TPH2: variants seen among roughly 807,000 people sequenced by gnomAD.
The protein encoded by TPH2 is tryptophan hydroxylase 2.
A neutral mutation model predicts 59.1 loss-of-function variants in TPH2; 27 were observed. That is an observed-to-expected ratio of 0.46 (90% CI 0.34 to 0.63). The LOEUF (loss-of-function observed/expected upper bound fraction) is 0.63, where lower values mean the gene tolerates loss of function less well. Ranked by LOEUF, TPH2 falls within the 30% of genes least tolerant of loss-of-function variation. The pLI, the probability that TPH2 is intolerant of heterozygous loss-of-function variation, is 0.01. For missense variants in TPH2, 523 were observed against 588.3 expected, an observed-to-expected ratio of 0.89 and a Z score of 1.15; for synonymous variants, 220 against 210.5, an observed-to-expected ratio of 1.05 and a Z score of -0.39.
intron 7 of TPH2, among the ~76,000 whole-genome samples, chr12:71,980,241 C>T (rs1387585216): frequency 6.6e-6 from 1 of 152,148 alleles, no homozygotes; most frequent in Non-Finnish European, 1.5e-5. Flanking sequence ...AAAATGAGTG[C>T]CTTGCTTTAA....
intron 5 of TPH2, among the ~76,000 whole-genome samples, chr12:71,958,088 G>T (rs1871563181): frequency 6.6e-6 from 1 of 152,184 alleles, no homozygotes; most frequent in Admixed American, 6.5e-5. Context: ...GATCTTCGGA[G>T]ACATTAAGAA....
intron 5 of TPH2, among the ~76,000 whole-genome samples, chr12:71,955,340 G>A (rs1018387108): frequency 6.6e-6 from 1 of 152,152 alleles, no homozygotes; most frequent in African/African-American, 2.4e-5. Flanking sequence ...AGTAAGTGGG[G>A]CATTGCTATA....
rs564986850 is a variant in TPH2 at position 71,950,343 on chromosome 12, G to A, written c.608+688G>A. On this transcript the variant is annotated intron_variant, in intron 5 of 10. Transcript: ENST00000333850. ...GGCTGAGTCCGAAAAGAGAGTCAGCGAAGGGAGATAAGGGTGGGGCCATTT... is the reference window on the plus strand; with the variant it reads ...GGCTGAGTCCGAAAAGAGAGTCAGCAAAGGGAGATAAGGGTGGGGCCATTT... Among the ~76,000 whole-genome samples, 10 of 152,226 alleles carry A rather than the reference G, an allele frequency of 6.6e-5. No homozygotes were observed. The East Asian group carries it at 1.7e-3, about 27-fold the overall frequency.
At chr12:71,947,193 C>A (rs1444620401) in intron 4 of TPH2, among the ~76,000 whole-genome samples, 3 of 152,016 alleles carry the variant, frequency 2.0e-5, no homozygotes, top group African/African-American at 7.2e-5. Context: ...GATTCTCATC[C>A]CTAGCTTTCC....
intron 8 of TPH2, among the ~76,000 whole-genome samples, chr12:71,999,814 C>T (rs1872778399): frequency 6.6e-6 from 1 of 152,234 alleles, no homozygotes; most frequent in Non-Finnish European, 1.5e-5. Context: ...TCTCAATTCT[C>T]TGTCCTTATA....
intron 5 of TPH2, among the ~76,000 whole-genome samples, chr12:71,958,017 C>G (rs1182151116): frequency 1.3e-5 from 2 of 152,192 alleles, no homozygotes; most frequent in African/African-American, 2.4e-5. Flanking sequence ...TGTCATTTAA[C>G]CACACAACGA....
chr12:71,977,099 T>C (rs1872140999), intron 6 of TPH2, among the ~76,000 whole-genome samples: 1 of 152,192 alleles, frequency 6.6e-6, no homozygotes, highest in African/African-American at 2.4e-5. Context: ...TTGCCCAAGC[T>C]GGGGTGCAGT....
At chr12:71,976,866 A>T (rs1464637521) in intron 6 of TPH2, among the ~76,000 whole-genome samples, 3 of 152,240 alleles carry the variant, frequency 2.0e-5, no homozygotes, top group Non-Finnish European at 2.9e-5. Context: ...TGCTAAATGA[A>T]ATAAGCCAGA....
intron 8 of TPH2, among the ~76,000 whole-genome samples, chr12:71,996,568 G>A (rs1217803476): frequency 6.6e-6 from 1 of 152,152 alleles, no homozygotes; most frequent in Non-Finnish European, 1.5e-5. Flanking sequence ...ACTCCCTTCT[G>A]CCTATACCCT....
At position 71,941,642 on chromosome 12, in the gene TPH2, G is replaced by A. The variant is rs769052606; in HGVS notation, c.164G>A (p.Arg55His). ...AAAGGCAACAAGGGAAGCAGCAAAC[G>A]TGAAGCTGCTACCGAAAGTGGCAAG... ...DDKGNKGSSK[R>H]EAATESGKTA... The change falls in exon 2 of 11, where the codon CGT (arginine) becomes CAT (histidine). Residue 55 changes from arginine (R) to histidine (H), a missense_variant. Arg to His is a conservative substitution (Grantham distance 29, BLOSUM62 0). Transcript: ENST00000333850. 1.1e-5 allele frequency: 18 copies of A among 1,613,944 alleles called. No individual in the cohort carries two copies. The highest frequency in any genetic ancestry group is 1.1e-4 in the South Asian group (10 of 91,090).
chr12:71,969,112 T>C (rs934114777), intron 5 of TPH2, among the ~76,000 whole-genome samples: 16 of 152,166 alleles, frequency 1.1e-4, no homozygotes, highest in Admixed American at 3.3e-4. Context: ...TGAAACCCCA[T>C]CTCTACTAAA....
At chr12:72,018,045 T>C (rs975597709) in intron 8 of TPH2, among the ~76,000 whole-genome samples, 17 of 152,228 alleles carry the variant, frequency 1.1e-4, no homozygotes, top group African/African-American at 3.9e-4. Flanking sequence ...TTTCTCTTTA[T>C]CTCTTAACAA....
At chr12:71,978,539 G>T (rs1401592340) in intron 6 of TPH2, among the ~76,000 whole-genome samples, 3 of 152,192 alleles carry the variant, frequency 2.0e-5, no homozygotes, top group Non-Finnish European at 4.4e-5. Flanking sequence ...AGTGAAGGGG[G>T]TGCTTAGCTG....
intron 5 of TPH2, among the ~76,000 whole-genome samples, chr12:71,956,441 T>A (rs1433002299): frequency 4.6e-5 from 5 of 109,864 alleles, no homozygotes; most frequent in African/African-American, 1.7e-4. Flanking sequence ...CCTCCCTTCC[T>A]CCCTTCCTCC....
chr12:72,025,236 T>C (rs921235950), intron 9 of TPH2, among the ~76,000 whole-genome samples: 6 of 152,186 alleles, frequency 3.9e-5, no homozygotes. Context: ...TTTTATGCTG[T>C]TCCAACTGCA....
chr12:72,014,654 G>C (rs1391484209), intron 8 of TPH2, among the ~76,000 whole-genome samples: 1 of 152,114 alleles, frequency 6.6e-6, no homozygotes, highest in African/African-American at 2.4e-5. Context: ...GCCTCCCGAA[G>C]TGCTGGGATT....
intron 7 of TPH2, among the ~76,000 whole-genome samples, chr12:71,982,013 G>GTTTTTTTTTTT (rs1468983565): frequency 3.6e-5 from 2 of 55,714 alleles, no homozygotes; most frequent in South Asian, 5.3e-4. Context: ...CATATCATTC[G>GTTTTTTTTTTT]TATTTTTTTT....
chr12:72,010,334 C>A (rs961654495), intron 8 of TPH2, among the ~76,000 whole-genome samples: 4 of 152,142 alleles, frequency 2.6e-5, no homozygotes, highest in Non-Finnish European at 5.9e-5. Context: ...GCTTAAATGC[C>A]TTCTAGAAGT....
intron 8 of TPH2, among the ~76,000 whole-genome samples, chr12:71,996,276 AG>A (rs1872693498): frequency 6.6e-6 from 1 of 152,238 alleles, no homozygotes; most frequent in Non-Finnish European, 1.5e-5. Context: ...AGTGAGAGCA[AG>A]GAGAAAGCTG....
Sources: gnomAD v4.1 joint callset for allele counts (sites outside exome capture counted in the v4.1 genomes callset) on GRCh38, gnomAD v4.1.1 for gene constraint, MANE v1.5 for transcripts, NCBI Gene and HGNC (gene_info 2026-07-23, HGNC 2026-07-21) for gene names.